Variants in ZNF536 observed in about 807,000 individuals in gnomAD.
The protein encoded by ZNF536 is zinc finger protein 536.
Under a neutral mutation model 84.5 loss-of-function variants are expected in ZNF536, and 13 were observed. The ratio of observed to expected loss-of-function variants is 0.15; its 90% CI spans 0.10 to 0.24. The LOEUF (loss-of-function observed/expected upper bound fraction) is 0.24, where lower values mean the gene tolerates loss of function less well. Among genes scored for constraint, ZNF536 ranks in the 10% least tolerant of loss-of-function variants. ZNF536 has a pLI of 1.00. For synonymous variants in ZNF536, 811 were observed against 742.5 expected, an observed-to-expected ratio of 1.09 and a Z score of -1.50; for missense variants, 1,536 against 1,747.5, an observed-to-expected ratio of 0.88 and a Z score of 2.16.
At chr19:30,701,482 CACAA>C (rs1480477654) in intron 1 of ZNF536, among the ~76,000 whole-genome samples, 7 of 152,022 alleles carry the variant, frequency 4.6e-5, no homozygotes, top group African/African-American at 7.2e-5. Context: ...CACAGACACA[CACAA>C]ACACACACAC....
At chr19:30,352,290 T>G (rs1327845174) in intron 2 of ZNF536, 4 of 152,258 alleles carry the variant, frequency 2.6e-5, no homozygotes, top group Non-Finnish European at 5.9e-5. Context: ...TTCCTTGACC[T>G]CTGCATATTG....
intron 1 of ZNF536, among the ~76,000 whole-genome samples, chr19:30,564,547 C>A (rs1033903686): frequency 1.3e-5 from 2 of 151,970 alleles, no homozygotes; most frequent in African/African-American, 2.4e-5. Flanking sequence ...GGTGGTCAGG[C>A]TGGGGAGAAG....
chr19:30,581,518 T>G (rs543784878), intron 1 of ZNF536, among the ~76,000 whole-genome samples: 1 of 152,052 alleles, frequency 6.6e-6, no homozygotes, highest in Non-Finnish European at 1.5e-5. Context: ...TTGTGGTGGT[T>G]GAAGATTTGG....
intron 1 of ZNF536, among the ~76,000 whole-genome samples, chr19:30,266,311 A>G (rs978157992): frequency 2.6e-5 from 4 of 152,108 alleles, no homozygotes; most frequent in East Asian, 1.9e-4. Flanking sequence ...CAGCCTCCCA[A>G]GGTGCTGGGA....
At chr19:30,356,099 T>G (rs1289920989) in intron 3 of ZNF536, among the ~76,000 whole-genome samples, 1 of 152,146 alleles carries the variant, frequency 6.6e-6, no homozygotes, top group Non-Finnish European at 1.5e-5. Context: ...ATCACACACA[T>G]CAGACAATGA....
At chr19:30,457,710 G>A (rs2052920195) in intron 2 of ZNF536, among the ~76,000 whole-genome samples, 2 of 152,252 alleles carry the variant, frequency 1.3e-5, no homozygotes, top group African/African-American at 4.8e-5. Context: ...AGGGGTGTGA[G>A]GCTCCTACTG....
chr19:30,443,425 T>G, intron 1 of ZNF536, 136 bp from the exon 2 acceptor site: 1 of 1,299,408 alleles, frequency 7.7e-7, no homozygotes, highest in Non-Finnish European at 1.0e-6. Context: ...TTTTTATTAT[T>G]GTTTTTGACA....
chr19:30,558,932 G>A (rs1337611710), downstream of ZNF536, among the ~76,000 whole-genome samples: 1 of 152,172 alleles, frequency 6.6e-6, no homozygotes, highest in African/African-American at 2.4e-5. Context: ...TGTAACAAGG[G>A]AATGGAAACC....
At position 30,444,299 on chromosome 19, in the gene ZNF536, A is replaced by G. The variant is rs771316228; in HGVS notation, c.737A>G (p.His246Arg). The change falls in exon 2 of 5, where the codon CAC (histidine) becomes CGC (arginine). Residue 246 changes from histidine to arginine, a missense_variant. Physicochemically the swap from His to Arg is conservative, Grantham distance 29 (BLOSUM62 0). This residue lies in a region of ZNF536 where 138 missense variants were observed against 136.8 expected (regional missense o/e 1.01). Coordinates refer to ENST00000355537, the MANE Select transcript of ZNF536 (RefSeq NM_014717.3). ...AACTLALQAN[H>R]SVPDVAHPVP... ...TGCACCCTGGCCCTGCAGGCTAACC[A>G]CAGCGTTCCCGACGTGGCCCACCCG... 6 of 1,579,562 alleles carry G rather than the reference A, an allele frequency of 3.8e-6. No individual in the cohort carries two copies. The highest frequency in any genetic ancestry group is 1.7e-5 in the Admixed American group (1 of 57,510).
intron 1 of ZNF536, among the ~76,000 whole-genome samples, chr19:30,576,976 G>A (rs974368330): frequency 2.6e-5 from 4 of 152,188 alleles, no homozygotes; most frequent in African/African-American, 4.8e-5. Flanking sequence ...ATTTGTTTGG[G>A]ATTTGAAGTC....
intron 2 of ZNF536, among the ~76,000 whole-genome samples, chr19:30,314,645 G>A (rs1046714184): frequency 6.6e-6 from 1 of 152,162 alleles, no homozygotes; most frequent in Non-Finnish European, 1.5e-5. Context: ...AGCTTTCCCT[G>A]TGGGCCTGTG....
chr19:30,557,461 G>C lies in ZNF536; in HGVS notation c.*297G>C, dbSNP rs540387906. 1 of 294,282 alleles carries C rather than the reference G, an allele frequency of 3.4e-6. No individual in the cohort carries two copies. Among genetic ancestry groups the C allele is most frequent in the African/African-American group, 2.2e-5 (1 of 45,982 alleles). The allele number at this position is 294,282 out of a possible 1,614,324, so 18.2% of individuals were successfully genotyped here. A position where few individuals can be genotyped will look rare whatever the true frequency, so the allele number is the denominator to read the frequency against. ...ACTCCCTCAAAGTCATAAATCCTGA[G>C]TGACAACTGCTGCTGGATGACAGAT... On this transcript the variant is annotated 3_prime_UTR_variant, in exon 5 of 5. Transcript: ENST00000355537.
intron 1 of ZNF536, among the ~76,000 whole-genome samples, chr19:30,652,966 C>T (rs2049765199): frequency 6.6e-6 from 1 of 152,188 alleles, no homozygotes; most frequent in African/African-American, 2.4e-5. Context: ...GTGCTGCATC[C>T]ACTCTCGATG....
chr19:30,546,626 G>A (rs1428044950), intron 3 of ZNF536, among the ~76,000 whole-genome samples: 1 of 152,220 alleles, frequency 6.6e-6, no homozygotes, highest in Admixed American at 6.5e-5. Context: ...ACAGTGAAAT[G>A]TCTTCAGAAG....
At chr19:30,602,809 C>T (rs1177004121) in intron 1 of ZNF536, among the ~76,000 whole-genome samples, 1 of 152,174 alleles carries the variant, frequency 6.6e-6, no homozygotes, top group Non-Finnish European at 1.5e-5. Context: ...AATCTGGCTG[C>T]TGTGACCTGG....
chr19:30,250,081 C>T (rs1346125426), intron 1 of ZNF536, among the ~76,000 whole-genome samples: 1 of 152,196 alleles, frequency 6.6e-6, no homozygotes, highest in East Asian at 1.9e-4. Flanking sequence ...CAGTCACAAG[C>T]AGCTCGGAGC....
At chr19:30,322,416 T>G (rs1449350090) in intron 2 of ZNF536, among the ~76,000 whole-genome samples, 2 of 152,154 alleles carry the variant, frequency 1.3e-5, no homozygotes, top group African/African-American at 4.8e-5. Context: ...CTCAGAGGAC[T>G]CCACTGTGCT....
At chr19:30,299,712 G>A (rs536262909) in intron 2 of ZNF536, among the ~76,000 whole-genome samples, 1 of 152,198 alleles carries the variant, frequency 6.6e-6, no homozygotes, top group South Asian at 2.1e-4. Context: ...ATCATCCCAT[G>A]GTATAAGATA....
In ZNF536 at chr19:30,596,757, C is replaced by T. The variant is rs532351806; in HGVS notation, c.169+47243C>T. Among the ~76,000 whole-genome samples the T allele has an allele frequency of 4.7e-5, 7 of 149,538 alleles. No individual in the cohort carries two copies. The South Asian group carries it at 8.4e-4, about 18-fold the overall frequency. ...GCAATATTTAAGGAAACTTTTTTTG[C>T]GAGTGTGTGTGTGTGTGGGAGGGGG... is the stretch of plus-strand genomic sequence containing the variant. On this transcript the variant is annotated intron_variant, in intron 1 of 1. Transcript: ENST00000592773.
Sources: allele counts gnomAD v4.1 joint callset (sites outside exome capture counted in the v4.1 genomes callset), GRCh38; gene constraint gnomAD v4.1.1; regional missense constraint gnomAD v4.1.1; transcripts MANE v1.5; gene names NCBI Gene and HGNC (gene_info 2026-07-23, HGNC 2026-07-21).